The following GOT2 variants were observed in gnomAD, a reference collection of about 807,000 sequenced individuals.
GOT2 encodes aspartate aminotransferase, mitochondrial.
GOT2 carries 17 observed loss-of-function variants against 50.0 expected under a neutral mutation model. The ratio of observed to expected loss-of-function variants is 0.34; its 90% CI spans 0.23 to 0.51. GOT2 has a LOEUF of 0.51. Ranked by LOEUF, GOT2 falls within the 20% of genes least tolerant of loss-of-function variation. The pLI, the probability that GOT2 is intolerant of heterozygous loss-of-function variation, is 0.97. For synonymous variants in GOT2, 172 were observed against 204.9 expected (o/e 0.84, Z 1.37); for missense variants, 430 against 559.6 (o/e 0.77, Z 2.34).
chr16:58,722,153 G>T lies in GOT2; in HGVS notation c.372C>A (p.Gly124=), dbSNP rs757292693. 1.2e-6 allele frequency: 2 copies of T among 1,611,948 alleles called. No homozygotes were observed. Among genetic ancestry groups the T allele is most frequent in the Admixed American group, 3.3e-5 (2 of 60,002 alleles). The change falls in exon 3 of 10, where the codon GGC becomes GGA. Residue 124 remains glycine, a synonymous_variant. Coordinates refer to ENST00000245206, the MANE Select transcript of GOT2 (RefSeq NM_002080.4). The part of the protein sequence containing the change: ...LGENSEVLKS[G]RFVTVQTISG... ...TGCCAGAGCCTGCTCAGCTTACCCG[G>T]CCACTCTTCAAGACTTCGCTGTTCT...
At chr16:58,716,599 C>G (rs1168948512) in intron 7 of GOT2, 64 bp downstream of exon 7, 2 of 1,446,952 alleles carry the variant, frequency 1.4e-6, no homozygotes, top group East Asian at 4.5e-5. Context: ...CCCACAAGCT[C>G]TATGCCCTCG....
rs1223995182 is a variant in GOT2, at chr16:58,718,591, C to T, written c.533G>A (p.Gly178Asp). ...IFRDAGMQLQ[G>D]YRYYDPKTCG... is the part of the protein sequence containing the mutation. Reference sequence around the variant, plus strand: ...AGTCTTGGGGTCATAATACCGATAACCTTGTAGCTGCATGCCAGCATCCCT... The same window carrying T: ...AGTCTTGGGGTCATAATACCGATAATCTTGTAGCTGCATGCCAGCATCCCT... The change falls in exon 5 of 10, where the codon GGT (glycine) becomes GAT (aspartate). Residue 178 changes from glycine (G) to aspartate (D), a missense_variant. Gly to Asp is a moderately conservative substitution (Grantham distance 94). Coordinates refer to ENST00000245206, the MANE Select transcript of GOT2 (RefSeq NM_002080.4). 3.7e-6 allele frequency: 6 copies of T among 1,611,622 alleles called. No individual in the cohort carries two copies. Among genetic ancestry groups the T allele is most frequent in the Non-Finnish European group, 5.1e-6 (6 of 1,178,634 alleles).
chr16:58,710,166 G>A (rs894799203), intron 8 of GOT2, among the ~76,000 whole-genome samples: 1 of 152,038 alleles, frequency 6.6e-6, no homozygotes, highest in Non-Finnish European at 1.5e-5. Context: ...CCAGAGTGCC[G>A]GGATTACAGG....
chr16:58,709,298 C>T, intron 9 of GOT2, 119 bp downstream of exon 9: 2 of 909,768 alleles, frequency 2.2e-6, no homozygotes, highest in East Asian at 2.7e-5. Flanking sequence ...CAAAACAAAA[C>T]AAAACAAAAC....
In GOT2 at chr16:58,709,278, A is replaced by AAAAAC. The variant is rs142747599; in HGVS notation, c.1170+134_1170+138dup. On this transcript the variant is annotated intron_variant, in intron 9 of 9. Transcript: ENST00000245206. Reference sequence around the variant, plus strand: ...ACTGTCTCAAAACAAAAACAAAAACAAAAACAAAACAAAACAAAACAAAAC... The same window carrying AAAAAC: ...ACTGTCTCAAAACAAAAACAAAAACAAAAACAAAACAAAACAAAACAAAACAAAAC... 1,087 of 661,968 alleles carry AAAAAC rather than the reference A, an allele frequency of 1.6e-3. 5 individuals carry two copies. The highest frequency in any genetic ancestry group is 2.2e-3 in the East Asian group (76 of 34,536). The allele number at this position is 661,968 out of a possible 1,614,324, so 41.0% of individuals were successfully genotyped here.
Position 58,723,825 on chromosome 16 carries a change from T to C in GOT2, c.167A>G (p.Asn56Ser). ...GVTEAFKRDT[N>S]SKKMNLGVGA... ...AACTCCCAGATTCATCTTTTTGCTA[T>C]TGGTGTCCCTCTTAAAGGCTTCAGT... The change falls in exon 2 of 10, where the codon AAT becomes AGT. Residue 56 changes from asparagine (N) to serine (S), a missense_variant. Transcript: ENST00000245206. 23 of 1,613,140 alleles carry C rather than the reference T, an allele frequency of 1.4e-5. No individual in the cohort carries two copies. Among genetic ancestry groups the C allele is most frequent in the Non-Finnish European group, 2.0e-5 (23 of 1,179,094 alleles).
rs758954750 is a variant in GOT2 at position 58,709,456 on chromosome 16, T to C, written c.1131A>G (p.Gln377=). The change falls in exon 9 of 10, where the codon CAA becomes CAG. Residue 377 remains glutamine (Q), a synonymous_variant. Coordinates refer to ENST00000245206, the MANE Select transcript of GOT2 (RefSeq NM_002080.4). The part of the protein sequence containing the change: ...STHNWQHITD[Q]IGMFCFTGLK... ...GCCCTGTGAAACAGAACATGCCAAT[T>C]TGGTCGGTGATGTGTTGCCAATTGT... is the stretch of plus-strand genomic sequence containing the variant. 2 of 1,613,542 alleles carry C rather than the reference T, an allele frequency of 1.2e-6. No individual in the cohort carries two copies. The highest frequency in any genetic ancestry group is 1.3e-5 in the African/African-American group (1 of 75,034).
chr16:58,712,856 T>C (rs1407395540), intron 8 of GOT2, among the ~76,000 whole-genome samples: 1 of 152,168 alleles, frequency 6.6e-6, no homozygotes, highest in African/African-American at 2.4e-5. Context: ...ACGCCTGTAA[T>C]CCCAGTACTT....
chr16:58,716,590 C>CA (rs2044696125), intron 7 of GOT2, 73 bp downstream of exon 7: 17 of 1,192,092 alleles, frequency 1.4e-5, no homozygotes, highest in Non-Finnish European at 1.8e-5. Context: ...ACACACACAC[C>CA]CACAAGCTCT....
At chr16:58,731,858 C>A (rs538650063) in intron 1 of GOT2, among the ~76,000 whole-genome samples, 1 of 152,312 alleles carries the variant, frequency 6.6e-6, no homozygotes. Context: ...TAAGTATTTT[C>A]CACTTTTACC....
At chr16:58,715,888 C>A in intron 8 of GOT2, 126 bp downstream of exon 8, 1 of 743,534 alleles carries the variant, frequency 1.3e-6, no homozygotes, top group Non-Finnish European at 2.1e-6. Context: ...TTTTTTGCTT[C>A]CTTCCCTGCC....
In GOT2 at chr16:58,734,303, C is replaced by T. The variant is rs954726870; in HGVS notation, c.-75G>A. On this transcript the variant is annotated 5_prime_UTR_variant, in exon 1 of 10. Coordinates refer to ENST00000245206, the MANE Select transcript of GOT2 (RefSeq NM_002080.4). Reference sequence around the variant, plus strand: ...AGCGGACACACACACAGGGAACCGGCTCCTGCTGAAGGTAAGGACAGGGAC... The same window carrying T: ...AGCGGACACACACACAGGGAACCGGTTCCTGCTGAAGGTAAGGACAGGGAC... 1.1e-5 allele frequency: 9 copies of T among 808,184 alleles called. No individual in the cohort carries two copies. The highest frequency in any genetic ancestry group is 4.1e-4 in the Middle Eastern group (1 of 2,444). The allele number at this position is 808,184 out of a possible 1,614,324, so 50.1% of individuals were successfully genotyped here. A position where few individuals can be genotyped will look rare whatever the true frequency, so the allele number is the denominator to read the frequency against.
intron 6 of GOT2, among the ~76,000 whole-genome samples, chr16:58,717,234 G>A (rs1211104115): frequency 6.6e-6 from 1 of 152,098 alleles, no homozygotes; most frequent in Non-Finnish European, 1.5e-5. Flanking sequence ...AATTAGCCAG[G>A]CAGGTGTGGC....
At chr16:58,731,866 A>C (rs1428821099) in intron 1 of GOT2, among the ~76,000 whole-genome samples, 1 of 152,232 alleles carries the variant, frequency 6.6e-6, no homozygotes, top group Non-Finnish European at 1.5e-5. Context: ...TTCCACTTTT[A>C]CCATTTGGAG....
intron 3 of GOT2, among the ~76,000 whole-genome samples, chr16:58,720,548 G>A (rs1312224316): frequency 1.3e-5 from 2 of 151,368 alleles, no homozygotes; most frequent in East Asian, 1.9e-4. Flanking sequence ...CTGTAGGTCC[G>A]ATGATACTAC....
chr16:58,731,143 T>C (rs1384414365), intron 1 of GOT2, among the ~76,000 whole-genome samples: 2 of 151,444 alleles, frequency 1.3e-5, no homozygotes, highest in Non-Finnish European at 3.0e-5. Flanking sequence ...GCTGTGATCT[T>C]TTTTTTTTGA....
At position 58,727,100 on chromosome 16, in the gene GOT2, G is replaced by C. The variant is rs866856693; in HGVS notation, c.90-3198C>G. Among the ~76,000 whole-genome samples the C allele has an allele frequency of 3.3e-5, 5 of 152,256 alleles. No individual in the cohort carries two copies. In the South Asian group the frequency reaches 8.3e-4, roughly 25 times the overall value. ...ACCCAGGAGGCGGAGGTTGCAGTGA[G>C]CCGAGAATGCACCACTGCACTCCTG... is the stretch of plus-strand genomic sequence containing the variant. On this transcript the variant is annotated intron_variant, in intron 1 of 9. Transcript: ENST00000245206.
rs1208619368 is a variant in GOT2, at chr16:58,708,058, TGAAA to T, written c.*109_*112del. On this transcript the variant is annotated 3_prime_UTR_variant, in exon 10 of 10. Coordinates refer to ENST00000245206, the MANE Select transcript of GOT2 (RefSeq NM_002080.4). Reference sequence around the variant, plus strand: ...AATGCTGAGTGTTACACACTGTGGCTGAAAGAAATGATCCACTCACCACCATCCA... The same window carrying T: ...AATGCTGAGTGTTACACACTGTGGCTGAAATGATCCACTCACCACCATCCA... 2.6e-5 allele frequency: 27 copies of T among 1,026,970 alleles called. No individual in the cohort carries two copies. The African/African-American group carries it at 3.7e-4, about 14-fold the overall frequency. The allele number at this position is 1,026,970 out of a possible 1,614,324, so 63.6% of individuals were successfully genotyped here. A position where few individuals can be genotyped will look rare whatever the true frequency, so the allele number is the denominator to read the frequency against.
At chr16:58,734,083 G>A in intron 1 of GOT2, 57 bp downstream of exon 1, 2 of 1,042,542 alleles carry the variant, frequency 1.9e-6, no homozygotes, top group Non-Finnish European at 2.5e-6. Context: ...TGGGGTGCTC[G>A]CAGCTCGGCG....
Sources: gnomAD v4.1 joint callset for allele counts (sites outside exome capture counted in the v4.1 genomes callset) on GRCh38, gnomAD v4.1.1 for gene constraint, MANE v1.5 for transcripts, NCBI Gene and HGNC (gene_info 2026-07-23, HGNC 2026-07-21) for gene names.